The following RAB3C variants were observed in gnomAD, a reference collection of about 807,000 sequenced individuals.
RAB3C encodes the protein ras-related protein Rab-3C.
In RAB3C, 17 loss-of-function variants were observed where a neutral mutation model predicts 26.4. The observed-to-expected ratio is 0.64, with a 90% confidence interval of 0.44 to 0.97. RAB3C has a LOEUF of 0.97. Ranked by LOEUF, RAB3C falls within the 50% of genes least tolerant of loss-of-function variation. The pLI is 0.00. For synonymous variants in RAB3C, 91 were observed against 95.9 expected, an observed-to-expected ratio of 0.95 and a Z score of 0.30; for missense variants, 242 against 281.9, an observed-to-expected ratio of 0.86 and a Z score of 1.01.
intron 2 of RAB3C, among the ~76,000 whole-genome samples, chr5:58,661,212 C>T (rs910684606): frequency 2.7e-5 from 4 of 150,116 alleles, no homozygotes; most frequent in Non-Finnish European, 5.9e-5. Context: ...ATGGGCTTTT[C>T]ATTAGAATTT....
chr5:58,777,986 C>A (rs1274452092), intron 3 of RAB3C, among the ~76,000 whole-genome samples: 4 of 152,038 alleles, frequency 2.6e-5, no homozygotes, highest in Non-Finnish European at 5.9e-5. Context: ...TTCTACTGAC[C>A]AGATTTGTAA....
intron 1 of RAB3C, among the ~76,000 whole-genome samples, chr5:58,598,249 A>G (rs1390493240): frequency 7.0e-6 from 1 of 141,918 alleles, no homozygotes; most frequent in East Asian, 2.5e-4. Flanking sequence ...GATAATATGT[A>G]ATACATTATA....
intron 3 of RAB3C, among the ~76,000 whole-genome samples, chr5:58,757,949 G>A (rs2111972025): frequency 6.6e-6 from 1 of 152,086 alleles, no homozygotes; most frequent in East Asian, 1.9e-4. Flanking sequence ...GTTTTGTTTT[G>A]TTTTGTTTTT....
intron 4 of RAB3C, among the ~76,000 whole-genome samples, chr5:58,834,595 G>A (rs574895773): frequency 1.6e-4 from 25 of 152,244 alleles, no homozygotes; most frequent in African/African-American, 6.0e-4. Flanking sequence ...CCAACCTCTG[G>A]GTTCAGCAGG....
At chr5:58,645,122 T>C (rs545260172) in intron 2 of RAB3C, among the ~76,000 whole-genome samples, 4 of 152,332 alleles carry the variant, frequency 2.6e-5, no homozygotes, top group African/African-American at 9.6e-5. Flanking sequence ...AGATGAAGGC[T>C]CCTGAATATG....
intron 4 of RAB3C, among the ~76,000 whole-genome samples, chr5:58,843,054 C>T (rs1032637302): frequency 7.2e-5 from 11 of 152,156 alleles, no homozygotes; most frequent in Admixed American, 5.2e-4. Context: ...AAGTGTGTGA[C>T]TCAACCATTT....
intron 1 of RAB3C, among the ~76,000 whole-genome samples, chr5:58,588,262 G>T (rs1235512882): frequency 6.6e-6 from 1 of 152,032 alleles, no homozygotes. Context: ...TATATATTAA[G>T]CTTTATAAGA....
intron 3 of RAB3C, among the ~76,000 whole-genome samples, chr5:58,749,952 C>T (rs1741486084): frequency 6.6e-6 from 1 of 152,048 alleles, no homozygotes; most frequent in South Asian, 2.1e-4. Context: ...TACAAATAAA[C>T]CAGTATTTAT....
intron 3 of RAB3C, among the ~76,000 whole-genome samples, chr5:58,786,973 C>T (rs969023423): frequency 6.6e-6 from 1 of 152,020 alleles, no homozygotes. Context: ...CAAGAGGCTC[C>T]GAGATAAGAC....
In RAB3C at chr5:58,632,472, C is replaced by G. The variant is rs570198531; in HGVS notation, c.252+14602C>G. On this transcript the variant is annotated intron_variant, in intron 2 of 4. Coordinates refer to ENST00000282878, the MANE Select transcript of RAB3C (RefSeq NM_138453.4). ...AGGTGATAACTGCCATTCTGAGAAACAGTTCATCCTGTCATATTGTGTCTG... is the reference window on the plus strand; with the variant it reads ...AGGTGATAACTGCCATTCTGAGAAAGAGTTCATCCTGTCATATTGTGTCTG... 3.9e-5 allele frequency among the ~76,000 whole-genome samples: 6 copies of G among 152,296 alleles called. 1 individual carries two copies. The South Asian group carries it at 1.0e-3, about 26-fold the overall frequency.
intron 3 of RAB3C, among the ~76,000 whole-genome samples, chr5:58,730,314 A>G (rs2111928002): frequency 6.6e-6 from 1 of 152,156 alleles, no homozygotes; most frequent in East Asian, 1.9e-4. Flanking sequence ...GAAATGTTTA[A>G]GGAATAGGAA....
intron 1 of RAB3C, among the ~76,000 whole-genome samples, chr5:58,607,589 A>G (rs933915122): frequency 6.6e-5 from 10 of 152,192 alleles, no homozygotes; most frequent in Non-Finnish European, 1.2e-4. Context: ...CTCAAGAATC[A>G]CAACCCCAAG....
chr5:58,582,262 CT>C (rs1745915289), upstream of RAB3C: 1 of 266,614 alleles, frequency 3.8e-6, no homozygotes, highest in Non-Finnish European at 5.8e-6. Flanking sequence ...CACATCCCTC[CT>C]TTTTCTCTCC....
rs1230497313 is a variant in RAB3C, at chr5:58,726,008, G to A, written c.259G>A (p.Ala87Thr). 1 of 1,575,840 alleles carries A rather than the reference G, an allele frequency of 6.3e-7. No homozygotes were observed. The highest frequency in any genetic ancestry group is 8.7e-7 in the Non-Finnish European group (1 of 1,156,002). ...KRIKLQIWDTAGQERYRTITT... is the reference protein window; with the variant it reads ...KRIKLQIWDTTGQERYRTITT... ...TTTTTTTTTTATTCTTTAGGACACA[G>A]CAGGCCAGGAAAGATACAGGACTAT... The change falls in exon 3 of 5, where the codon GCA becomes ACA. Residue 87 changes from alanine to threonine, a missense_variant. Transcript: ENST00000282878.
At chr5:58,810,370 T>TCTCTCTCTCTCG (rs1554020129) in intron 3 of RAB3C, among the ~76,000 whole-genome samples, 20 of 128,060 alleles carry the variant, frequency 1.6e-4, no homozygotes, top group South Asian at 1.1e-3. Flanking sequence ...GTGTGCTCTC[T>TCTCTCTCTCTCG]CTCTCTCTCT....
rs937657082 is a variant in RAB3C, at chr5:58,854,250, A to C, written c.*2899A>C. On this transcript the variant is annotated 3_prime_UTR_variant, in exon 5 of 5. Coordinates refer to ENST00000282878, the MANE Select transcript of RAB3C (RefSeq NM_138453.4). ...TTGATTTAATTAAATTAGTGTTTTA[A>C]GTATGAATTTATTTTCCTTTGCTAC... is the stretch of plus-strand genomic sequence containing the variant. 1 of 152,176 alleles carries C rather than the reference A, an allele frequency of 6.6e-6. No homozygotes were observed. Among genetic ancestry groups the C allele is most frequent in the African/African-American group, 2.4e-5 (1 of 41,440 alleles). 9.4% of individuals were successfully genotyped at this position (152,176 alleles called of 1,614,324 possible).
intron 3 of RAB3C, among the ~76,000 whole-genome samples, chr5:58,790,660 T>G (rs886490465): frequency 1.3e-5 from 2 of 152,206 alleles, no homozygotes; most frequent in Admixed American, 6.5e-5. Context: ...TCCCCGTTGA[T>G]GCAAGGGTAT....
intron 4 of RAB3C, among the ~76,000 whole-genome samples, chr5:58,826,753 G>T (rs1439994668): frequency 6.6e-6 from 1 of 152,132 alleles, no homozygotes; most frequent in Non-Finnish European, 1.5e-5. Flanking sequence ...ATCCCCAGAA[G>T]CAGTAATGTG....
intron 3 of RAB3C, among the ~76,000 whole-genome samples, chr5:58,732,291 T>C (rs920317724): frequency 6.6e-6 from 1 of 151,600 alleles, no homozygotes; most frequent in Non-Finnish European, 1.5e-5. Context: ...GCCAAAAAAA[T>C]TTTTTTATAT....
Sources: allele counts gnomAD v4.1 joint callset (sites outside exome capture counted in the v4.1 genomes callset), GRCh38; gene constraint gnomAD v4.1.1; transcripts MANE v1.5; gene names NCBI Gene and HGNC (gene_info 2026-07-23, HGNC 2026-07-21).